TMCC1: variants seen among roughly 807,000 people sequenced by gnomAD.
The protein encoded by TMCC1 is transmembrane and coiled-coil domains protein 1.
In TMCC1, 15 loss-of-function variants were observed where a neutral mutation model predicts 52.4. The ratio of observed to expected loss-of-function variants is 0.29; its 90% CI spans 0.19 to 0.44. TMCC1 has a LOEUF of 0.44. Among genes scored for constraint, TMCC1 ranks in the 20% least tolerant of loss-of-function variants. TMCC1 has a pLI of 1.00. For missense variants in TMCC1, 503 were observed against 806.0 expected, an observed-to-expected ratio of 0.62 and a Z score of 4.55; for synonymous variants, 279 against 301.9, an observed-to-expected ratio of 0.92 and a Z score of 0.79.
At chr3:129,676,160 C>T (rs980788553) in intron 4 of TMCC1, among the ~76,000 whole-genome samples, 3 of 151,902 alleles carry the variant, frequency 2.0e-5, no homozygotes, top group African/African-American at 7.3e-5. Flanking sequence ...GTCCCAGCTA[C>T]TCAACAGGGT....
At chr3:129,699,984 A>AT (rs1204205306) in intron 4 of TMCC1, among the ~76,000 whole-genome samples, 1 of 152,142 alleles carries the variant, frequency 6.6e-6, no homozygotes, top group Non-Finnish European at 1.5e-5. Flanking sequence ...GTCCATTACT[A>AT]TTTTTTTCAC....
intron 2 of TMCC1, among the ~76,000 whole-genome samples, chr3:129,845,874 A>G (rs922783757): frequency 6.6e-6 from 1 of 152,096 alleles, no homozygotes; most frequent in African/African-American, 2.4e-5. Context: ...TCTACAAAAA[A>G]AAATTTTTAA....
chr3:129,819,669 C>T (rs1388763527), intron 4 of TMCC1: 2 of 152,134 alleles, frequency 1.3e-5, no homozygotes, highest in Non-Finnish European at 2.9e-5. Context: ...GCATTGTGTT[C>T]TGTTCTGGAG....
intron 4 of TMCC1, among the ~76,000 whole-genome samples, chr3:129,799,593 G>A (rs1037214208): frequency 4.6e-5 from 7 of 152,082 alleles, no homozygotes; most frequent in Admixed American, 6.6e-5. Context: ...GGTGGATCAC[G>A]AGATCAGGAG....
At chr3:129,819,209 A>G (rs1206647673) in intron 4 of TMCC1, among the ~76,000 whole-genome samples, 2 of 152,028 alleles carry the variant, frequency 1.3e-5, no homozygotes, top group African/African-American at 4.8e-5. Context: ...CAGCCTCCTG[A>G]GTAGCTGGGA....
intron 2 of TMCC1, chr3:129,847,668 A>G (rs1281016434): frequency 1.3e-5 from 2 of 152,232 alleles, no homozygotes; most frequent in African/African-American, 2.4e-5. Context: ...GTGGATATAC[A>G]GTTTCATTTC....
At chr3:129,676,952 C>T (rs2088504346) in intron 4 of TMCC1, among the ~76,000 whole-genome samples, 1 of 152,068 alleles carries the variant, frequency 6.6e-6, no homozygotes, top group African/African-American at 2.4e-5. Context: ...ATCCAAATAC[C>T]TATTTGTAAC....
intron 5 of TMCC1, among the ~76,000 whole-genome samples, chr3:129,657,606 C>CA (rs1265175627): frequency 1.3e-5 from 2 of 152,320 alleles, no homozygotes; most frequent in African/African-American, 4.8e-5. Flanking sequence ...AGTAAGAAAT[C>CA]AGAGTCAGAG....
At chr3:129,748,730 G>C (rs957590244) in intron 4 of TMCC1, among the ~76,000 whole-genome samples, 1 of 152,004 alleles carries the variant, frequency 6.6e-6, no homozygotes, top group African/African-American at 2.4e-5. Context: ...GGGCCAGCTG[G>C]GGTAGCTCAC....
chr3:129,714,815 A>C (rs749656635), intron 4 of TMCC1, among the ~76,000 whole-genome samples: 22 of 152,176 alleles, frequency 1.4e-4, no homozygotes, highest in Non-Finnish European at 2.9e-4. Context: ...TCTTCCACCC[A>C]TCTATCAATC....
At chr3:129,801,637 T>G (rs2107774393) in intron 4 of TMCC1, among the ~76,000 whole-genome samples, 1 of 152,268 alleles carries the variant, frequency 6.6e-6, no homozygotes, top group Middle Eastern at 3.4e-3. Flanking sequence ...TTTTGTATTT[T>G]GTTGGCCAGG....
intron 2 of TMCC1, among the ~76,000 whole-genome samples, chr3:129,864,404 G>A (rs956788348): frequency 1.5e-4 from 23 of 152,228 alleles, no homozygotes; most frequent in Non-Finnish European, 2.9e-4. Flanking sequence ...TATCCAAAGT[G>A]ATAACTGCAC....
At chr3:129,859,084 T>G (rs1015803935) in intron 2 of TMCC1, among the ~76,000 whole-genome samples, 4 of 152,128 alleles carry the variant, frequency 2.6e-5, no homozygotes, top group African/African-American at 9.7e-5. Context: ...AGCTAAAAAT[T>G]TTCAAGATTT....
At chr3:129,740,220 T>A (rs2051343741) in intron 4 of TMCC1, among the ~76,000 whole-genome samples, 1 of 152,200 alleles carries the variant, frequency 6.6e-6, no homozygotes, top group African/African-American at 2.4e-5. Context: ...CTCAGATGTA[T>A]TCTCCTAGAT....
intron 4 of TMCC1, among the ~76,000 whole-genome samples, chr3:129,779,465 A>G (rs2055332093): frequency 6.6e-6 from 1 of 152,186 alleles, no homozygotes. Context: ...ATATGACATC[A>G]AATTTTAGAG....
At chr3:129,891,466 G>A (rs550597250) in intron 1 of TMCC1, among the ~76,000 whole-genome samples, 1 of 152,138 alleles carries the variant, frequency 6.6e-6, no homozygotes, top group South Asian at 2.1e-4. Context: ...ATTTGTTCAC[G>A]TACTGTCTGT....
intron 5 of TMCC1, among the ~76,000 whole-genome samples, chr3:129,667,377 G>A (rs1229809006): frequency 4.6e-5 from 7 of 151,888 alleles, no homozygotes; most frequent in Admixed American, 1.3e-4. Flanking sequence ...GGGAATTATT[G>A]GAACAACAAA....
At chr3:129,704,046 T>A (rs2048034466) in intron 4 of TMCC1, among the ~76,000 whole-genome samples, 1 of 152,182 alleles carries the variant, frequency 6.6e-6, no homozygotes, top group South Asian at 2.1e-4. Context: ...GCAGTACTTC[T>A]GAAGGAGAAA....
chr3:129,791,401 C>T lies in TMCC1; in HGVS notation c.576+36402G>A, dbSNP rs540811584. On this transcript the variant is annotated intron_variant, in intron 4 of 6. Transcript: ENST00000393238. ...AGTCACCGCACCCGGCCAGACACAC[C>T]AGAAATTTAGGGAGGCAGTTGGTAT... Among the ~76,000 whole-genome samples, 20 of 152,118 alleles carry T rather than the reference C, an allele frequency of 1.3e-4. 1 individual carries two copies. The South Asian group carries it at 2.5e-3, about 19-fold the overall frequency.
Sources: allele counts gnomAD v4.1 joint callset (sites outside exome capture counted in the v4.1 genomes callset), GRCh38; gene constraint gnomAD v4.1.1; transcripts MANE v1.5; gene names NCBI Gene and HGNC (gene_info 2026-07-23, HGNC 2026-07-21).